The following FBXL17 variants were observed in gnomAD, a reference collection of about 807,000 sequenced individuals.
FBXL17 encodes the protein F-box/LRR-repeat protein 17.
A neutral mutation model predicts 66.2 loss-of-function variants in FBXL17; 22 were observed. The observed-to-expected ratio is 0.33, with a 90% CI of 0.24 to 0.47. FBXL17 has a LOEUF of 0.47. Ranked by LOEUF, FBXL17 falls within the 20% of genes least tolerant of loss-of-function variation. The pLI is 1.00. For synonymous variants in FBXL17, 474 were observed against 400.5 expected (o/e 1.18, Z -2.19); for missense variants, 878 against 948.2 (o/e 0.93, Z 0.97).
chr5:107,862,336 G>A (rs879084176), intron 8 of FBXL17, among the ~76,000 whole-genome samples: 1 of 151,656 alleles, frequency 6.6e-6, no homozygotes, highest in Admixed American at 6.6e-5. Flanking sequence ...GTTAAGGTAC[G>A]GCAAACTTCA....
chr5:108,259,593 G>C (rs1040489131), intron 4 of FBXL17, among the ~76,000 whole-genome samples: 3 of 151,804 alleles, frequency 2.0e-5, no homozygotes, highest in Admixed American at 1.3e-4. Context: ...CTTTGTGAAA[G>C]GGCTTTGTAA....
intron 6 of FBXL17, among the ~76,000 whole-genome samples, chr5:108,075,506 C>T (rs1345411003): frequency 1.3e-5 from 2 of 152,122 alleles, no homozygotes; most frequent in East Asian, 1.9e-4. Flanking sequence ...GATGGAGTTT[C>T]GCTCTTGTTG....
chr5:108,319,378 G>C (rs1759513948), intron 4 of FBXL17, among the ~76,000 whole-genome samples: 1 of 151,840 alleles, frequency 6.6e-6, no homozygotes, highest in Non-Finnish European at 1.5e-5. Flanking sequence ...TAAAGCATTT[G>C]TAATTTGGTT....
At chr5:108,220,358 C>CTGCA (rs952740093) in intron 5 of FBXL17, among the ~76,000 whole-genome samples, 2 of 152,144 alleles carry the variant, frequency 1.3e-5, no homozygotes, top group African/African-American at 4.8e-5. Context: ...CCAACCTGTG[C>CTGCA]TGCAGTCTGG....
At chr5:108,237,513 C>T (rs886559618) in intron 4 of FBXL17, among the ~76,000 whole-genome samples, 3 of 152,160 alleles carry the variant, frequency 2.0e-5, no homozygotes, top group Non-Finnish European at 2.9e-5. Context: ...TGACTTTATA[C>T]TGAAGGAGTC....
intron 6 of FBXL17, among the ~76,000 whole-genome samples, chr5:108,156,099 A>G (rs924926026): frequency 1.3e-5 from 2 of 152,148 alleles, no homozygotes; most frequent in Non-Finnish European, 2.9e-5. Flanking sequence ...AAACTTGGGA[A>G]GAATATTTGC....
At chr5:108,308,998 A>G (rs1338936486) in intron 4 of FBXL17, among the ~76,000 whole-genome samples, 1 of 152,104 alleles carries the variant, frequency 6.6e-6, no homozygotes, top group Non-Finnish European at 1.5e-5. Flanking sequence ...CTCAGGAAAT[A>G]ATTCCAAGAG....
At chr5:108,204,293 A>T (rs193073822) in intron 5 of FBXL17, among the ~76,000 whole-genome samples, 1 of 152,164 alleles carries the variant, frequency 6.6e-6, no homozygotes, top group Admixed American at 6.6e-5. Context: ...GGGCTCAAGC[A>T]ATCCACCCAC....
chr5:107,918,716 T>G (rs1175151974), intron 7 of FBXL17, among the ~76,000 whole-genome samples: 1 of 152,252 alleles, frequency 6.6e-6, no homozygotes, highest in African/African-American at 2.4e-5. Flanking sequence ...AATAAAATCC[T>G]AGTGTTCCAC....
Position 108,094,200 on chromosome 5 carries a change from C to T in FBXL17, c.1746-73199G>A, listed in dbSNP as rs76682318. Reference sequence around the variant, plus strand: ...TGCTCTTTTCAGTCATTGTTTTGTACAAATTAAGCTCCCTTGACCATTTAG... The same window carrying T: ...TGCTCTTTTCAGTCATTGTTTTGTATAAATTAAGCTCCCTTGACCATTTAG... On this transcript the variant is annotated intron_variant, in intron 6 of 8. Coordinates refer to ENST00000542267, the MANE Select transcript of FBXL17 (RefSeq NM_001163315.3). Among the ~76,000 whole-genome samples the T allele has an allele frequency of 3.5e-3, 527 of 152,122 alleles. 2 individuals are homozygous for T. Among genetic ancestry groups the T allele is most frequent in the African/African-American group, 0.012 (509 of 41,512 alleles).
At chr5:108,214,816 T>C (rs1206885638) in intron 5 of FBXL17, among the ~76,000 whole-genome samples, 2 of 152,212 alleles carry the variant, frequency 1.3e-5, no homozygotes, top group African/African-American at 2.4e-5. Flanking sequence ...TCCTCATAAA[T>C]TGTACAGTTC....
intron 7 of FBXL17, among the ~76,000 whole-genome samples, chr5:107,937,814 T>C (rs1750963739): frequency 6.6e-6 from 1 of 152,140 alleles, no homozygotes; most frequent in African/African-American, 2.4e-5. Flanking sequence ...CAGGGGTCAC[T>C]GGCAGCACTC....
intron 5 of FBXL17, among the ~76,000 whole-genome samples, chr5:108,200,176 A>G (rs1259579288): frequency 3.9e-5 from 6 of 152,144 alleles, no homozygotes; most frequent in Non-Finnish European, 1.5e-5. Flanking sequence ...CCTGAGTTAG[A>G]GAAGGAGAGA....
At chr5:108,088,688 G>A (rs112369442) in intron 6 of FBXL17, among the ~76,000 whole-genome samples, 1,823 of 106,494 alleles carry the variant, frequency 0.017, 56 homozygotes, top group African/African-American at 0.068. Flanking sequence ...CCGACAGAGC[G>A]AGACTCTATC....
intron 7 of FBXL17, among the ~76,000 whole-genome samples, chr5:107,990,682 T>C (rs1018820519): frequency 6.6e-6 from 1 of 152,184 alleles, no homozygotes; most frequent in Non-Finnish European, 1.5e-5. Flanking sequence ...CAATAAATAT[T>C]AGTTACTATT....
chr5:108,140,725 C>A (rs1751316493), intron 6 of FBXL17, among the ~76,000 whole-genome samples: 1 of 152,052 alleles, frequency 6.6e-6, no homozygotes, highest in South Asian at 2.1e-4. Context: ...TCCGTACATT[C>A]AATAGCAAGG....
chr5:108,378,329 T>G (rs74959722), intron 1 of FBXL17, among the ~76,000 whole-genome samples: 2,452 of 150,804 alleles, frequency 0.016, 62 homozygotes, highest in African/African-American at 0.054. Flanking sequence ...CGTTTTTGTT[T>G]TTTGTTTTTT....
intron 6 of FBXL17, among the ~76,000 whole-genome samples, chr5:108,107,894 T>C (rs563014029): frequency 3.9e-5 from 6 of 152,162 alleles, no homozygotes; most frequent in African/African-American, 1.4e-4. Flanking sequence ...TGGCTTTCCA[T>C]TGCACCTAGA....
intron 4 of FBXL17, among the ~76,000 whole-genome samples, chr5:108,306,064 T>C (rs1172237967): frequency 6.6e-6 from 1 of 152,112 alleles, no homozygotes; most frequent in Non-Finnish European, 1.5e-5. Context: ...GGATTTTTAA[T>C]CTTATCCACA....
Sources: allele counts gnomAD v4.1 joint callset (sites outside exome capture counted in the v4.1 genomes callset), GRCh38; gene constraint gnomAD v4.1.1; transcripts MANE v1.5; gene names NCBI Gene and HGNC (gene_info 2026-07-23, HGNC 2026-07-21).